The following TNS1 variants were observed in gnomAD, a reference collection of about 807,000 sequenced individuals.
TNS1 encodes tensin-1.
TNS1 carries 62 observed loss-of-function variants against 168.6 expected under a neutral mutation model. That is an observed-to-expected ratio of 0.37 (90% CI 0.30 to 0.45). TNS1 has a LOEUF of 0.45. TNS1 is among the 20% of genes least tolerant of loss of function. The pLI, the probability that TNS1 is intolerant of heterozygous loss-of-function variation, is 1.00. For missense variants in TNS1, 2,240 were observed against 2,339.4 expected (o/e 0.96, Z 0.88); for synonymous variants, 934 against 933.2 (o/e 1.00, Z -0.02).
chr2:217,874,738 T>G lies in TNS1; in HGVS notation c.1429+6160A>C, dbSNP rs188257898. 1.4e-3 allele frequency among the ~76,000 whole-genome samples: 208 copies of G among 152,376 alleles called. 5 individuals are homozygous for G. Among genetic ancestry groups the G allele is most frequent in the Admixed American group, 0.013 (195 of 15,310 alleles). ...GACACAAATCACTGCCAGCATGGCA[T>G]GCGCCACTCTGCTTTTCACATTTCA... On this transcript the variant is annotated intron_variant, in intron 18 of 32. Coordinates refer to ENST00000682258, the MANE Select transcript of TNS1 (RefSeq NM_001387777.1).
At chr2:217,838,992 G>A (rs985110680) in intron 19 of TNS1, among the ~76,000 whole-genome samples, 14 of 151,376 alleles carry the variant, frequency 9.2e-5, no homozygotes, top group Non-Finnish European at 8.8e-5. Flanking sequence ...CTCTCTCAGG[G>A]CCTCTGTCTC....
chr2:217,879,438 G>A (rs1950489392), intron 18 of TNS1: 1 of 454,810 alleles, frequency 2.2e-6, no homozygotes, highest in African/African-American at 2.0e-5. Flanking sequence ...GGATGGAGGA[G>A]TGCTTTTCAC....
At chr2:217,875,013 T>C (rs921720115) in intron 18 of TNS1, among the ~76,000 whole-genome samples, 2 of 152,204 alleles carry the variant, frequency 1.3e-5, no homozygotes, top group African/African-American at 4.8e-5. Flanking sequence ...TTGCCCCCTT[T>C]GAAGCTAGGC....
chr2:218,019,644 C>T (rs1335252574), intron 1 of TNS1, among the ~76,000 whole-genome samples: 1 of 152,158 alleles, frequency 6.6e-6, no homozygotes, highest in Non-Finnish European at 1.5e-5. Flanking sequence ...TGCCCTTTCG[C>T]CTCAGAGCAG....
At chr2:217,879,758 G>T (rs1208926438) in intron 18 of TNS1, among the ~76,000 whole-genome samples, 1 of 152,164 alleles carries the variant, frequency 6.6e-6, no homozygotes, top group African/African-American at 2.4e-5. Context: ...AAAACCTTGG[G>T]GAGGGAGACA....
intron 19 of TNS1, among the ~76,000 whole-genome samples, chr2:217,844,740 C>T (rs558784818): frequency 6.6e-6 from 1 of 152,188 alleles, no homozygotes; most frequent in African/African-American, 2.4e-5. Flanking sequence ...TTCTTTTTTC[C>T]CCCTATTAAA....
At chr2:217,956,635 G>A (rs1049723927) in intron 3 of TNS1, among the ~76,000 whole-genome samples, 2 of 151,966 alleles carry the variant, frequency 1.3e-5, no homozygotes, top group East Asian at 3.9e-4. Flanking sequence ...AAAGTCTGTG[G>A]ACACCCACAC....
At chr2:218,027,070 C>G (rs180996187) in intron 1 of TNS1, among the ~76,000 whole-genome samples, 2 of 151,760 alleles carry the variant, frequency 1.3e-5, no homozygotes, top group Non-Finnish European at 2.9e-5. Context: ...GGAGGAGAGA[C>G]TTTACGGCAA....
Position 217,946,967 on chromosome 2 carries a change from T to TCA in TNS1, c.187-26732_187-26731insTG, listed in dbSNP as rs1377730479. The stretch of plus-strand genomic sequence containing the variant: ...CTCTCTCTCTCTCTCTCTCTCTCTC[T>TCA]CTCACACACACACACACACACACAC... On this transcript the variant is annotated intron_variant, in intron 3 of 32. Coordinates refer to ENST00000682258, the MANE Select transcript of TNS1 (RefSeq NM_001387777.1). Among the ~76,000 whole-genome samples, 219 of 125,334 alleles carry TCA rather than the reference T, an allele frequency of 1.7e-3. 1 individual carries two copies. The highest frequency in any genetic ancestry group is 4.1e-3 in the Middle Eastern group (1 of 242). The allele number at this position is 125,334 out of a possible 152,430, so 82.2% of individuals were successfully genotyped here. A position where few individuals can be genotyped will look rare whatever the true frequency, so the allele number is the denominator to read the frequency against.
intron 22 of TNS1, among the ~76,000 whole-genome samples, chr2:217,829,508 T>C (rs1379402199): frequency 6.6e-6 from 1 of 152,206 alleles, no homozygotes; most frequent in Non-Finnish European, 1.5e-5. Context: ...TGTCTACCTC[T>C]ATGAGCTGCT....
Position 217,804,526 on chromosome 2 carries a change from T to C in TNS1, c.5453A>G (p.Asn1818Ser). ...GTTGACGATGGCAGAGGCCGGCTGG[T>C]TGGGGTCAAGCTCAGCAAAGAGGTG... ...ACHLFAELDP[N>S]QPASAIVNFV... Residue 1818 changes from asparagine to serine, a missense_variant, in exon 33 of 33, where the codon AAC becomes AGC. By Grantham distance (46) the Asn-to-Ser change is conservative (BLOSUM62 1). Around this residue, in one of 2 missense-constraint regions of TNS1, gnomAD observed 109 missense variants for 168.1 expected, o/e 0.65. Transcript: ENST00000682258. 1 of 1,614,040 alleles carries C rather than the reference T, an allele frequency of 6.2e-7. No homozygotes were observed. The highest frequency in any genetic ancestry group is 1.3e-5 in the African/African-American group (1 of 75,008).
Position 217,871,138 on chromosome 2 carries a change from G to A in TNS1, c.1429+9760C>T, listed in dbSNP as rs1339122471. 2.0e-5 allele frequency among the ~76,000 whole-genome samples: 3 copies of A among 152,158 alleles called. No homozygotes were observed. The East Asian group carries it at 5.8e-4, about 29-fold the overall frequency. Reference sequence around the variant, plus strand: ...CCCAAGGGGGCCAAGAGGACAAGAGGACCAATCTGCCTGTCACAGCTGATT... The same window carrying A: ...CCCAAGGGGGCCAAGAGGACAAGAGAACCAATCTGCCTGTCACAGCTGATT... On this transcript the variant is annotated intron_variant, in intron 18 of 32. Transcript: ENST00000682258.
chr2:217,960,230 C>G (rs898012744), intron 3 of TNS1, among the ~76,000 whole-genome samples: 1 of 152,218 alleles, frequency 6.6e-6, no homozygotes, highest in African/African-American at 2.4e-5. Context: ...AAGCTCTTCA[C>G]AGCAACCCTG....
chr2:217,813,150 AG>A lies in TNS1; in HGVS notation c.4954+64del, dbSNP rs1267883973. 1.1e-5 allele frequency: 13 copies of A among 1,236,462 alleles called. No homozygotes were observed. In the African/African-American group the frequency reaches 1.3e-4, roughly 13 times the overall value. 76.6% of individuals were successfully genotyped at this position (1,236,462 alleles called of 1,614,324 possible). A position where few individuals can be genotyped will look rare whatever the true frequency, so the allele number is the denominator to read the frequency against. ...AAAGAACTTGGGGTCAGACCCCTGGAGGAACCCAGGACAGGACCAAGACTCA... is the reference window on the plus strand; with the variant it reads ...AAAGAACTTGGGGTCAGACCCCTGGAGAACCCAGGACAGGACCAAGACTCA... On this transcript the variant is annotated intron_variant, in intron 27 of 32. Transcript: ENST00000682258. This position sits in a 1 kb window ranked among gnomAD's most constrained non-coding sequence, Gnocchi z 4.0.
intron 18 of TNS1, among the ~76,000 whole-genome samples, chr2:217,862,276 A>G (rs543573398): frequency 4.6e-5 from 7 of 150,664 alleles, no homozygotes; most frequent in Non-Finnish European, 1.0e-4. Context: ...TATTTGGGGG[A>G]AAAAAAAAGA....
chr2:217,897,728 T>C (rs754437140), intron 8 of TNS1, 70 bp downstream of exon 8: 175 of 1,455,036 alleles, frequency 1.2e-4, no homozygotes, highest in Non-Finnish European at 1.5e-4. Flanking sequence ...GGGATACCAG[T>C]CATGTAGAGG....
At chr2:217,809,792 C>A in intron 30 of TNS1, 31 bp downstream of exon 30, 3 of 1,598,812 alleles carry the variant, frequency 1.9e-6, no homozygotes, top group African/African-American at 1.3e-5. Context: ...GGAAGGAGAA[C>A]CCCACCGAGG....
chr2:217,821,961 G>T, intron 22 of TNS1, 23 bp from the exon 23 acceptor site: 1 of 1,565,432 alleles, frequency 6.4e-7, no homozygotes, highest in South Asian at 1.2e-5. Flanking sequence ...AGAGGACAGA[G>T]ACACTGAGCA....
chr2:217,878,900 C>T (rs183313616), intron 18 of TNS1, among the ~76,000 whole-genome samples: 23 of 152,346 alleles, frequency 1.5e-4, no homozygotes, highest in Non-Finnish European at 3.1e-4. Context: ...AGGCCCTGGC[C>T]GCTTCTTCTG....
Sources: allele counts gnomAD v4.1 joint callset (sites outside exome capture counted in the v4.1 genomes callset), GRCh38; gene constraint gnomAD v4.1.1; regional missense constraint gnomAD v4.1.1; non-coding constraint Gnocchi (gnomAD v3.1); transcripts MANE v1.5; gene names NCBI Gene and HGNC (gene_info 2026-07-23, HGNC 2026-07-21).